The following GRM8 variants were observed in gnomAD, a reference collection of about 807,000 sequenced individuals.
GRM8 encodes metabotropic glutamate receptor 8.
A neutral mutation model predicts 87.2 loss-of-function variants in GRM8; 47 were observed. That is an observed-to-expected ratio of 0.54 (90% confidence interval 0.43 to 0.69). The LOEUF (loss-of-function observed/expected upper bound fraction) is 0.69. GRM8 is among the 30% of genes least tolerant of loss of function. GRM8 has a pLI of 0.00. For missense variants in GRM8, 1,019 were observed against 1,139.2 expected (o/e 0.89, Z 1.52); for synonymous variants, 396 against 404.5 (o/e 0.98, Z 0.25).
chr7:127,014,293 G>T (rs1236636004), intron 3 of GRM8, among the ~76,000 whole-genome samples: 1 of 152,078 alleles, frequency 6.6e-6, no homozygotes, highest in Admixed American at 6.6e-5. Context: ...ATATAACCAT[G>T]ACCAAGACTT....
chr7:126,942,469 G>C (rs1029129747), intron 3 of GRM8, among the ~76,000 whole-genome samples: 10 of 152,202 alleles, frequency 6.6e-5, no homozygotes, highest in Middle Eastern at 3.2e-3. Context: ...GAACATCACA[G>C]TAACAAGCTC....
intron 2 of GRM8, among the ~76,000 whole-genome samples, chr7:127,123,993 T>C (rs763455297): frequency 6.6e-6 from 1 of 152,200 alleles, no homozygotes; most frequent in East Asian, 1.9e-4. Context: ...AGCTTGACAC[T>C]GTAGATTATT....
intron 7 of GRM8, among the ~76,000 whole-genome samples, chr7:126,642,410 G>T (rs554278675): frequency 6.6e-6 from 1 of 152,042 alleles, no homozygotes; most frequent in African/African-American, 2.4e-5. Flanking sequence ...AGGCTGAGGC[G>T]GGCAGATCAC....
chr7:126,649,611 T>A (rs1247061237), intron 7 of GRM8, among the ~76,000 whole-genome samples: 1 of 152,042 alleles, frequency 6.6e-6, no homozygotes, highest in African/African-American at 2.4e-5. Context: ...GTACCTGGAG[T>A]GGAGTCAGTA....
intron 3 of GRM8, among the ~76,000 whole-genome samples, chr7:127,015,176 G>GAGAAGGAGAAGA (rs1563414139): frequency 2.5e-4 from 22 of 87,024 alleles, no homozygotes; most frequent in Non-Finnish European, 3.9e-4. Flanking sequence ...GAAGGAGAAG[G>GAGAAGGAGAAGA]AGAAGAAGAA....
chr7:126,449,373 T>C (rs968781797), intron 9 of GRM8, among the ~76,000 whole-genome samples: 11 of 151,784 alleles, frequency 7.2e-5, no homozygotes, highest in South Asian at 2.1e-4. Context: ...ACTTTTCTCA[T>C]AGAGGAGTTA....
chr7:126,624,731 T>TC (rs11438030), intron 7 of GRM8, among the ~76,000 whole-genome samples: 113,305 of 152,048 alleles, frequency 0.75, 42,800 homozygotes, highest in East Asian at 0.94. Context: ...AATTATTAGT[T>TC]CAGACAATCA....
intron 6 of GRM8, among the ~76,000 whole-genome samples, chr7:126,775,440 C>T (rs1047907651): frequency 1.4e-5 from 2 of 145,790 alleles, no homozygotes; most frequent in Non-Finnish European, 3.0e-5. Context: ...AGAACCACAT[C>T]ACACACTAAA....
At chr7:126,830,918 AACAG>A (rs1563229316) in intron 6 of GRM8, among the ~76,000 whole-genome samples, 1 of 152,176 alleles carries the variant, frequency 6.6e-6, no homozygotes, top group African/African-American at 2.4e-5. Flanking sequence ...CTTTCCTTCT[AACAG>A]ACAGGACCCT....
chr7:126,569,983 T>C lies in GRM8; in HGVS notation c.1495-36096A>G, dbSNP rs551987330. On this transcript the variant is annotated intron_variant, in intron 8 of 10. Transcript: ENST00000339582. ...CATAAGATGTAATTTTCTTTCTCCA[T>C]AGTCACCTGAATTGAGTCTATTATT... Among the ~76,000 whole-genome samples, 291 of 152,314 alleles carry C rather than the reference T, an allele frequency of 1.9e-3. 1 individual carries two copies. Among genetic ancestry groups the C allele is most frequent in the African/African-American group, 6.8e-3 (281 of 41,584 alleles).
chr7:126,770,082 T>G lies in GRM8; in HGVS notation c.1157-17A>C. The G allele has an allele frequency of 6.4e-7, 1 of 1,572,150 alleles. No homozygotes were observed. Among genetic ancestry groups the G allele is most frequent in the South Asian group, 1.1e-5 (1 of 88,874 alleles). ...GCTCCAGCCCTGCAAAATAAAAAAG[T>G]AAAAACCATCAGTTGATGTTAGATT... On this transcript the variant is annotated splice_polypyrimidine_tract_variant and intron_variant, in intron 6 of 10. Coordinates refer to ENST00000339582, the MANE Select transcript of GRM8 (RefSeq NM_000845.3).
chr7:127,099,662 C>T (rs1179026378), intron 3 of GRM8, among the ~76,000 whole-genome samples: 1 of 152,174 alleles, frequency 6.6e-6, no homozygotes, highest in African/African-American at 2.4e-5. Context: ...TCTCCATTAA[C>T]CAAATTCTGT....
At chr7:126,514,571 G>C (rs1335069150) in intron 9 of GRM8, among the ~76,000 whole-genome samples, 3 of 152,034 alleles carry the variant, frequency 2.0e-5, no homozygotes, top group South Asian at 2.1e-4. Flanking sequence ...CTTGAGGACA[G>C]AGAATGCAAA....
chr7:126,839,953 G>A (rs1368434714), intron 6 of GRM8, among the ~76,000 whole-genome samples: 1 of 152,066 alleles, frequency 6.6e-6, no homozygotes, highest in African/African-American at 2.4e-5. Flanking sequence ...GCCCAATATG[G>A]AGCTTTCTAG....
intron 2 of GRM8, among the ~76,000 whole-genome samples, chr7:127,146,093 T>C (rs888148829): frequency 6.6e-6 from 1 of 152,010 alleles, no homozygotes; most frequent in African/African-American, 2.4e-5. Flanking sequence ...TGAGACAGCA[T>C]GTCCAGGAGA....
intron 6 of GRM8, among the ~76,000 whole-genome samples, chr7:126,848,450 T>C (rs1390570142): frequency 2.6e-5 from 4 of 152,208 alleles, no homozygotes; most frequent in Non-Finnish European, 4.4e-5. Context: ...ATATTTCAGA[T>C]AGTTGGGTTA....
intron 3 of GRM8, among the ~76,000 whole-genome samples, chr7:127,086,335 C>T (rs193113541): frequency 2.0e-5 from 3 of 152,284 alleles, no homozygotes; most frequent in African/African-American, 7.2e-5. Context: ...CTCCTGACCT[C>T]GTGATCTGCC....
chr7:126,925,158 C>T (rs546652934), intron 3 of GRM8, among the ~76,000 whole-genome samples: 1 of 152,278 alleles, frequency 6.6e-6, no homozygotes, highest in Non-Finnish European at 1.5e-5. Context: ...TCATCATTTT[C>T]AGAGCTATCA....
chr7:126,813,998 C>T (rs577919114), intron 6 of GRM8, among the ~76,000 whole-genome samples: 3 of 152,186 alleles, frequency 2.0e-5, no homozygotes, highest in South Asian at 2.1e-4. Flanking sequence ...TTCTGAAGGA[C>T]GTGAGCCTCC....
Sources: gnomAD v4.1 joint callset for allele counts (sites outside exome capture counted in the v4.1 genomes callset) on GRCh38, gnomAD v4.1.1 for gene constraint, MANE v1.5 for transcripts, NCBI Gene and HGNC (gene_info 2026-07-23, HGNC 2026-07-21) for gene names.